The following CHD6 variants were observed in gnomAD, a reference collection of about 807,000 sequenced individuals.
CHD6 encodes the protein chromodomain helicase DNA binding protein 6, also known as ATP-dependent chromatin remodeler CHD6.
A neutral mutation model predicts 276.9 loss-of-function variants in CHD6; 50 were observed. The observed-to-expected ratio is 0.18, with a 90% CI of 0.14 to 0.23. CHD6 has a LOEUF of 0.23. Ranked by LOEUF, CHD6 falls within the 10% of genes least tolerant of loss-of-function variation. The probability of loss-of-function intolerance (pLI) is 1.00; values close to 1 mark genes in which losing one functional copy is unlikely to be tolerated. For synonymous variants in CHD6, 1,173 were observed against 1,229.3 expected (o/e 0.95, Z 0.96); for missense variants, 2,564 against 3,365.8 (o/e 0.76, Z 5.89).
chr20:41,611,821 A>G (rs1327401819), intron 1 of CHD6, among the ~76,000 whole-genome samples: 2 of 152,152 alleles, frequency 1.3e-5, no homozygotes, highest in Non-Finnish European at 2.9e-5. Flanking sequence ...TATTTTTAGT[A>G]GAGACAGGGT....
intron 2 of CHD6, 78 bp from the exon 3 acceptor site, chr20:41,533,648 A>G (rs752949054): frequency 1.5e-6 from 2 of 1,294,634 alleles, no homozygotes; most frequent in South Asian, 1.4e-5. Context: ...GTTTGAATAC[A>G]TGGATTTGCT....
chr20:41,499,104 G>T (rs2043768129), intron 6 of CHD6, among the ~76,000 whole-genome samples, 191 bp downstream of exon 6: 1 of 152,014 alleles, frequency 6.6e-6, no homozygotes, highest in Admixed American at 6.6e-5. Flanking sequence ...AGCCATTCTA[G>T]ATATTTTAAG....
intron 23 of CHD6, among the ~76,000 whole-genome samples, chr20:41,448,419 T>C (rs377574408): frequency 1.3e-4 from 20 of 152,222 alleles, no homozygotes; most frequent in Non-Finnish European, 2.2e-4. Context: ...TGGCAATATG[T>C]CTTCTCTTCT....
chr20:41,426,225 C>T (rs561682756), intron 27 of CHD6, 72 bp from the exon 28 acceptor site: 31 of 1,080,094 alleles, frequency 2.9e-5, no homozygotes, highest in Admixed American at 2.4e-4. Context: ...AGTCTTGAAA[C>T]GGAAAGAGTA....
At chr20:41,459,555 C>T (rs1025842909) in intron 17 of CHD6, 1 of 152,452 alleles carries the variant, frequency 6.6e-6, no homozygotes, top group African/African-American at 2.4e-5. Flanking sequence ...GTAACTGAAT[C>T]ACGGGGGCCA....
At chr20:41,535,659 G>A (rs1380908148) in intron 2 of CHD6, among the ~76,000 whole-genome samples, 1 of 152,070 alleles carries the variant, frequency 6.6e-6, no homozygotes, top group Non-Finnish European at 1.5e-5. Flanking sequence ...AGGAGTTAGA[G>A]ACCAGCCTGG....
chr20:41,591,250 T>C (rs1385093904), intron 1 of CHD6, among the ~76,000 whole-genome samples: 3 of 148,342 alleles, frequency 2.0e-5, no homozygotes, highest in Non-Finnish European at 3.0e-5. Context: ...TTAGGAGATA[T>C]ACCTAATGTA....
rs1470861575 is a variant in CHD6 at position 41,452,538 on chromosome 20, T to C, written c.3323+202A>G. Among the ~76,000 whole-genome samples the C allele has an allele frequency of 1.3e-5, 2 of 152,218 alleles. No individual in the cohort carries two copies. Among genetic ancestry groups the C allele is most frequent in the Non-Finnish European group, 2.9e-5 (2 of 68,036 alleles). ...ACAGGCATATGAGAAAATCATGGCA[T>C]GTCTGCATTGTGGTTGCGGAGCATA... On this transcript the variant is annotated intron_variant, in intron 21 of 36. Coordinates refer to ENST00000373233, the MANE Select transcript of CHD6 (RefSeq NM_032221.5). This position sits in a 1 kb window ranked among gnomAD's most constrained non-coding sequence, Gnocchi z 4.2.
At position 41,473,236 on chromosome 20, in the gene CHD6, G is replaced by C. The variant is rs752744853; in HGVS notation, c.2664+86C>G. On this transcript the variant is annotated intron_variant, in intron 17 of 36. Coordinates refer to ENST00000373233, the MANE Select transcript of CHD6 (RefSeq NM_032221.5). The surrounding 1 kb of genome is among the most constrained non-coding windows in gnomAD (Gnocchi z 4.1). ...CTGACACCATAGCATAGAGCATCAC[G>C]GATGCTCTGTAGCCAAGCCAGGCCC... 1 of 1,284,264 alleles carries C rather than the reference G, an allele frequency of 7.8e-7. No individual in the cohort carries two copies. The highest frequency in any genetic ancestry group is 1.1e-6 in the Non-Finnish European group (1 of 909,062). The allele number at this position is 1,284,264 out of a possible 1,614,324, so 79.6% of individuals were successfully genotyped here. A position where few individuals can be genotyped will look rare whatever the true frequency, so the allele number is the denominator to read the frequency against.
At chr20:41,417,836 A>C (rs2047052448) in intron 31 of CHD6, among the ~76,000 whole-genome samples, 2 of 152,272 alleles carry the variant, frequency 1.3e-5, no homozygotes, top group Non-Finnish European at 2.9e-5. Flanking sequence ...ATGTAAAAAA[A>C]GATGCCAAGA....
At chr20:41,564,002 C>T (rs760734442) in intron 1 of CHD6, 3 of 770,370 alleles carry the variant, frequency 3.9e-6, no homozygotes, top group African/African-American at 3.4e-5. Context: ...TGTGGTAGAA[C>T]AGCAGTACCT....
intron 2 of CHD6, among the ~76,000 whole-genome samples, chr20:41,537,648 T>TA (rs1394821743): frequency 1.3e-5 from 2 of 151,948 alleles, no homozygotes; most frequent in Non-Finnish European, 2.9e-5. Flanking sequence ...AAGTCAATAA[T>TA]AAAAAAGAAC....
chr20:41,404,093 TAAAATAGGGAAATATTTTAACTCA>T lies in CHD6; in HGVS notation c.*476_*499del. Reference sequence around the variant, plus strand: ...TATACTACTCACTTAGTAATCATGATAAAATAGGGAAATATTTTAACTCAAAAATATGCACCAGCACTTCCTTTT... The same window carrying T: ...TATACTACTCACTTAGTAATCATGATAAAATATGCACCAGCACTTCCTTTT... On this transcript the variant is annotated 3_prime_UTR_variant, in exon 37 of 37. Coordinates refer to ENST00000373233, the MANE Select transcript of CHD6 (RefSeq NM_032221.5). The T allele has an allele frequency of 9.5e-7, 1 of 1,051,532 alleles. No individual in the cohort carries two copies. The highest frequency in any genetic ancestry group is 1.1e-6 in the Non-Finnish European group (1 of 870,620). 65.1% of individuals were successfully genotyped at this position (1,051,532 alleles called of 1,614,324 possible). A position where few individuals can be genotyped will look rare whatever the true frequency, so the allele number is the denominator to read the frequency against.
At chr20:41,486,988 CT>C (rs2043430220) in intron 14 of CHD6, among the ~76,000 whole-genome samples, 1 of 152,198 alleles carries the variant, frequency 6.6e-6, no homozygotes, top group South Asian at 2.1e-4. Flanking sequence ...CCTGTCTCTC[CT>C]TTGAAGGACC....
intron 26 of CHD6, among the ~76,000 whole-genome samples, chr20:41,438,841 T>C (rs1050407928): frequency 3.3e-5 from 5 of 152,212 alleles, no homozygotes; most frequent in Non-Finnish European, 5.9e-5. Flanking sequence ...TCTCCCAGAA[T>C]GCATCTCGGT....
chr20:41,518,949 T>C (rs201483992), intron 3 of CHD6, among the ~76,000 whole-genome samples: 1 of 152,228 alleles, frequency 6.6e-6, no homozygotes, highest in East Asian at 1.9e-4. Context: ...ATTTGGCCCA[T>C]GAATATTTGT....
chr20:41,467,440 C>T (rs2042946112), intron 17 of CHD6, among the ~76,000 whole-genome samples: 1 of 151,960 alleles, frequency 6.6e-6, no homozygotes, highest in South Asian at 2.1e-4. Flanking sequence ...AATCCCCCAG[C>T]CCTAATCCCT....
In CHD6 at chr20:41,574,851, G is replaced by T. The variant is rs546580369; in HGVS notation, c.-23-23491C>A. On this transcript the variant is annotated intron_variant, in intron 1 of 36. Coordinates refer to ENST00000373233, the MANE Select transcript of CHD6 (RefSeq NM_032221.5). Reference sequence around the variant, plus strand: ...GGCAGGGAACCTAAGGCCGATTCACGCCTACAGCTAAAGCCAAAGGAAAAC... The same window carrying T: ...GGCAGGGAACCTAAGGCCGATTCACTCCTACAGCTAAAGCCAAAGGAAAAC... Among the ~76,000 whole-genome samples, 103 of 152,252 alleles carry T rather than the reference G, an allele frequency of 6.8e-4. 1 individual carries two copies. The highest frequency in any genetic ancestry group is 2.3e-3 in the African/African-American group (96 of 41,544).
At position 41,593,291 on chromosome 20, in the gene CHD6, C is replaced by A. The variant is rs544322983; in HGVS notation, c.-24+25049G>T. On this transcript the variant is annotated intron_variant, in intron 1 of 36. Coordinates refer to ENST00000373233, the MANE Select transcript of CHD6 (RefSeq NM_032221.5). Reference sequence around the variant, plus strand: ...GTTATAAAAGTTATGAAATTATCTCCCTTGTGATGCTCACATGGCCTTTAC... The same window carrying A: ...GTTATAAAAGTTATGAAATTATCTCACTTGTGATGCTCACATGGCCTTTAC... Among the ~76,000 whole-genome samples the A allele has an allele frequency of 8.1e-4, 123 of 152,130 alleles. 1 individual carries two copies. Among genetic ancestry groups the A allele is most frequent in the African/African-American group, 2.7e-3 (113 of 41,522 alleles).
Sources: allele counts gnomAD v4.1 joint callset (sites outside exome capture counted in the v4.1 genomes callset), GRCh38; gene constraint gnomAD v4.1.1; non-coding constraint Gnocchi (gnomAD v3.1); transcripts MANE v1.5; gene names NCBI Gene and HGNC (gene_info 2026-07-23, HGNC 2026-07-21).